Variants in SRRM2 observed in about 807,000 individuals in gnomAD.
SRRM2 encodes the protein serine/arginine repetitive matrix 2, also known as serine/arginine repetitive matrix protein 2.
SRRM2 carries 30 observed loss-of-function variants against 213.8 expected under a neutral mutation model. The ratio of observed to expected loss-of-function variants is 0.14; its 90% CI spans 0.10 to 0.19. The LOEUF is 0.19. Ranked by LOEUF, SRRM2 falls within the 10% of genes least tolerant of loss-of-function variation. SRRM2 has a pLI of 1.00. For synonymous variants in SRRM2, 2,025 were observed against 1,377.7 expected (o/e 1.47, Z -10.40); for missense variants, 4,904 against 3,647.0 (o/e 1.34, Z -8.88).
rs1317227596 is a variant in SRRM2 at position 2,761,838 on chromosome 16, C to A, written c.1310C>A (p.Ser437Tyr). The change falls in exon 11 of 15, where the codon TCC becomes TAC. Residue 437 changes from serine (S) to tyrosine (Y), a missense_variant. By Grantham distance (144) the Ser-to-Tyr change is moderately radical. Transcript: ENST00000301740. ...AAAGTTTCTCGGCATGCCAGCTCTT[C>A]CCCAGAAAGTCCTAAACCTGCTCCA... Reference protein sequence around the residue: ...PTKVSRHASSSPESPKPAPAP... With the variant: ...PTKVSRHASSYPESPKPAPAP... The A allele has an allele frequency of 1.2e-6, 2 of 1,613,442 alleles. No homozygotes were observed. The highest frequency in any genetic ancestry group is 1.7e-6 in the Non-Finnish European group (2 of 1,180,022).
At chr16:2,761,462 AAAG>A in intron 10 of SRRM2, 96 bp from the exon 11 acceptor site, 1 of 1,047,514 alleles carries the variant, frequency 9.5e-7, no homozygotes, top group African/African-American at 1.6e-5. Flanking sequence ...AGGGTGTGTA[AAAG>A]AAAAGTTATC....
rs781630234 is a variant in SRRM2, at chr16:2,764,963, G to A, written c.4435G>A (p.Glu1479Lys). The change falls in exon 11 of 15, where the codon GAA becomes AAA. Residue 1479 changes from glutamate (E) to lysine (K), a missense_variant. Glu to Lys is a moderately conservative substitution (Grantham distance 56). Transcript: ENST00000301740. ...IPRTPSRGRS[E>K]CDSSPEPKAL... Reference sequence around the variant, plus strand: ...TAGAACGCCATCTAGAGGGAGAAGCGAATGTGATTCTTCCCCAGAACCGAA... The same window carrying A: ...TAGAACGCCATCTAGAGGGAGAAGCAAATGTGATTCTTCCCCAGAACCGAA... The A allele has an allele frequency of 2.5e-6, 4 of 1,613,962 alleles. No homozygotes were observed. The highest frequency in any genetic ancestry group is 3.4e-6 in the Non-Finnish European group (4 of 1,180,030).
chr16:2,766,865 A>C lies in SRRM2; in HGVS notation c.6337A>C (p.Arg2113=). The C allele has an allele frequency of 6.2e-7, 1 of 1,614,200 alleles. No individual in the cohort carries two copies. The highest frequency in any genetic ancestry group is 8.5e-7 in the Non-Finnish European group (1 of 1,180,046). ...ACCTCCAGTAGCACTCAACAGTTCC[A>C]GAATGAGCTGCTTCAGTCGTCCTAG... is the stretch of plus-strand genomic sequence containing the variant. ...RTPPVALNSS[R]MSCFSRPSMS... The change falls in exon 11 of 15, where the codon AGA becomes CGA. Residue 2113 remains arginine, a synonymous_variant. Transcript: ENST00000301740. This position sits in a 1 kb window ranked among gnomAD's most constrained non-coding sequence, Gnocchi z 7.0.
chr16:2,759,371 A>G lies in SRRM2; in HGVS notation c.709A>G (p.Lys237Glu), dbSNP rs1419283694. 4 of 1,598,246 alleles carry G rather than the reference A, an allele frequency of 2.5e-6. No homozygotes were observed. The highest frequency in any genetic ancestry group is 3.4e-6 in the Non-Finnish European group (4 of 1,175,888). The change falls in exon 8 of 15, where the codon AAA (lysine) becomes GAA (glutamate). Residue 237 changes from lysine to glutamate, a missense_variant. Physicochemically the swap from Lys to Glu is moderately conservative, Grantham distance 56 (BLOSUM62 1). Coordinates refer to ENST00000301740, the MANE Select transcript of SRRM2 (RefSeq NM_016333.4). Reference sequence around the variant, plus strand: ...TCCCAGGTCTCCCACTCCAAAGAGCAAACGTAAATCTAAGGACAAAAAGCG... The same window carrying G: ...TCCCAGGTCTCCCACTCCAAAGAGCGAACGTAAATCTAAGGACAAAAAGCG... ...RKHRSPTPKS[K>E]RKSKDKKRKR...
Position 2,756,455 on chromosome 16 carries a change from G to C in SRRM2, c.91G>C (p.Gly31Arg). 1 of 1,613,438 alleles carries C rather than the reference G, an allele frequency of 6.2e-7. No individual in the cohort carries two copies. Among genetic ancestry groups the C allele is most frequent in the Non-Finnish European group, 8.5e-7 (1 of 1,179,740 alleles). Reference protein sequence around the residue: ...RNLSLVRGRRGERPDYKGEEE... With the variant: ...RNLSLVRGRRRERPDYKGEEE... ...CCTGTCCCTGGTGCGGGGCCGCCGG[G>C]GTGAGCGGCCTGACTACAAGGGAGA... Residue 31 changes from glycine (G) to arginine (R), a missense_variant, in exon 2 of 15, where the codon GGT becomes CGT. Transcript: ENST00000301740.
chr16:2,763,031 C>A lies in SRRM2; in HGVS notation c.2503C>A (p.His835Asn). 6.2e-7 allele frequency: 1 copy of A among 1,614,170 alleles called. No homozygotes were observed. The highest frequency in any genetic ancestry group is 1.1e-5 in the South Asian group (1 of 91,084). ...ATCTAAGACACCATCAAGACAAAGTCATTCCAGTTCATCTCCTCATCCTAA... is the reference window on the plus strand; with the variant it reads ...ATCTAAGACACCATCAAGACAAAGTAATTCCAGTTCATCTCCTCATCCTAA... The part of the protein sequence containing the change: ...QKSKTPSRQS[H>N]SSSSPHPKVK... Residue 835 changes from histidine to asparagine, a missense_variant, in exon 11 of 15, where the codon CAT (histidine) becomes AAT (asparagine). His to Asn is a moderately conservative substitution (Grantham distance 68). Coordinates refer to ENST00000301740, the MANE Select transcript of SRRM2 (RefSeq NM_016333.4).
Position 2,761,607 on chromosome 16 carries a change from G to T in SRRM2, c.1079G>T (p.Gly360Val). ...CCCTCTCCGGAAAGGAGCAGCACAG[G>T]CCCAGAACCACCTGCTCCCACTCCG... Reference protein sequence around the residue: ...PSPSPERSSTGPEPPAPTPLL... With the variant: ...PSPSPERSSTVPEPPAPTPLL... The change falls in exon 11 of 15, where the codon GGC (glycine) becomes GTC (valine). Residue 360 changes from glycine to valine, a missense_variant. Transcript: ENST00000301740. 6.5e-7 allele frequency: 1 copy of T among 1,545,408 alleles called. No individual in the cohort carries two copies. Among genetic ancestry groups the T allele is most frequent in the South Asian group, 1.3e-5 (1 of 78,266 alleles).
In SRRM2 at chr16:2,766,945, T is replaced by C; in HGVS notation, c.6417T>C (p.Leu2139=). Residue 2139 remains leucine (L), a synonymous_variant, in exon 11 of 15, where the codon CTT becomes CTC. Coordinates refer to ENST00000301740, the MANE Select transcript of SRRM2 (RefSeq NM_016333.4). This position sits in a 1 kb window ranked among gnomAD's most constrained non-coding sequence, Gnocchi z 7.0. Reference sequence around the variant, plus strand: ...GATCACCTGGAATGCTTGAACCCCTTGGCAGCTCTAGAACACCCATGTCTG... The same window carrying C: ...GATCACCTGGAATGCTTGAACCCCTCGGCAGCTCTAGAACACCCATGTCTG... ...RCRSPGMLEP[L]GSSRTPMSVL... The C allele has an allele frequency of 6.2e-7, 1 of 1,614,092 alleles. No homozygotes were observed. Among genetic ancestry groups the C allele is most frequent in the Non-Finnish European group, 8.5e-7 (1 of 1,180,012 alleles).
chr16:2,766,835 C>T lies in SRRM2; in HGVS notation c.6307C>T (p.Arg2103Trp). The change falls in exon 11 of 15, where the codon CGG becomes TGG. Residue 2103 changes from arginine (R) to tryptophan (W), a missense_variant. By Grantham distance (101) the Arg-to-Trp change is moderately radical. Coordinates refer to ENST00000301740, the MANE Select transcript of SRRM2 (RefSeq NM_016333.4). The surrounding 1 kb of genome is among the most constrained non-coding windows in gnomAD (Gnocchi z 7.0). Reference sequence around the variant, plus strand: ...AGCAACAAGAAATCATTCTGGTTCACGGACACCTCCAGTAGCACTCAACAG... The same window carrying T: ...AGCAACAAGAAATCATTCTGGTTCATGGACACCTCCAGTAGCACTCAACAG... ...PPATRNHSGSRTPPVALNSSR... is the reference protein window; with the variant it reads ...PPATRNHSGSWTPPVALNSSR... The T allele has an allele frequency of 6.2e-7, 1 of 1,614,190 alleles. No individual in the cohort carries two copies. Among genetic ancestry groups the T allele is most frequent in the Non-Finnish European group, 8.5e-7 (1 of 1,180,036 alleles).
rs759589031 is a variant in SRRM2 at position 2,768,127 on chromosome 16, C to G, written c.7599C>G (p.Ser2533=). 10 of 1,613,734 alleles carry G rather than the reference C, an allele frequency of 6.2e-6. No individual in the cohort carries two copies. Among genetic ancestry groups the G allele is most frequent in the Admixed American group, 1.7e-5 (1 of 59,978 alleles). The change falls in exon 11 of 15, where the codon TCC becomes TCG. Residue 2533 remains serine, a synonymous_variant. Coordinates refer to ENST00000301740, the MANE Select transcript of SRRM2 (RefSeq NM_016333.4). The part of the protein sequence containing the change: ...ALQPAKERRS[S]SSSSSSSSSS... ...AGCCAGCAAAGGAGCGGCGGAGTTC[C>G]TCCTCGTCGTCGTCGTCCTCTAGCT...
chr16:2,765,824 AAGCCTCGTGGACTCCAGAGGTCCC>A lies in SRRM2; in HGVS notation c.5297_5320del (p.Lys1766_Arg1774delinsSer). The A allele has an allele frequency of 6.2e-7, 1 of 1,613,964 alleles. No homozygotes were observed. Among genetic ancestry groups the A allele is most frequent in the Non-Finnish European group, 8.5e-7 (1 of 1,179,990 alleles). The stretch of plus-strand genomic sequence containing the variant: ...AAGGAGAGGCCGCTCTCCTTCGCCA[AAGCCTCGTGGACTCCAGAGGTCCC>A]GTTCCCGCTCAAGGAGAGAGAAAAC... On this transcript the variant is annotated inframe_deletion, in exon 11 of 15. Coordinates refer to ENST00000301740, the MANE Select transcript of SRRM2 (RefSeq NM_016333.4).
intron 5 of SRRM2, 143 bp from the exon 6 acceptor site, chr16:2,758,842 A>G: frequency 1.2e-6 from 1 of 866,152 alleles, no homozygotes; most frequent in East Asian, 2.7e-5. Context: ...AGAAAGAAGA[A>G]ATAAGTCCTG....
At chr16:2,753,655 A>C (rs949407189) in intron 1 of SRRM2, 1 of 152,216 alleles carries the variant, frequency 6.6e-6, no homozygotes, top group Non-Finnish European at 1.5e-5. Context: ...GGTTGGTTTC[A>C]GGCGTTCTTT....
chr16:2,753,615 G>A (rs2068025352), intron 1 of SRRM2: 1 of 152,198 alleles, frequency 6.6e-6, no homozygotes. Context: ...TCGTTGGGAA[G>A]AAAACGCCAG....
In SRRM2 at chr16:2,765,855, G is replaced by A. The variant is rs543768419; in HGVS notation, c.5327G>A (p.Arg1776His). 1.9e-6 allele frequency: 3 copies of A among 1,614,066 alleles called. No homozygotes were observed. Among genetic ancestry groups the A allele is most frequent in the East Asian group, 2.2e-5 (1 of 44,884 alleles). The part of the protein sequence containing the change: ...KPRGLQRSRS[R>H]SRREKTRTTR... ...CGTGGACTCCAGAGGTCCCGTTCCC[G>A]CTCAAGGAGAGAGAAAACAAGAACA... Residue 1776 changes from arginine (R) to histidine (H), a missense_variant, in exon 11 of 15, where the codon CGC becomes CAC. Transcript: ENST00000301740.
At chr16:2,755,202 C>T (rs1053729985) in intron 1 of SRRM2, among the ~76,000 whole-genome samples, 8 of 152,128 alleles carry the variant, frequency 5.3e-5, no homozygotes, top group Non-Finnish European at 8.8e-5. Context: ...GGAATCTAAC[C>T]AGGAAAGCTG....
chr16:2,762,025 C>T lies in SRRM2; in HGVS notation c.1497C>T (p.Thr499=). The T allele has an allele frequency of 6.2e-7, 1 of 1,614,198 alleles. No homozygotes were observed. The highest frequency in any genetic ancestry group is 1.1e-5 in the South Asian group (1 of 91,088). The change falls in exon 11 of 15, where the codon ACC becomes ACT. Residue 499 remains threonine, a synonymous_variant. Coordinates refer to ENST00000301740, the MANE Select transcript of SRRM2 (RefSeq NM_016333.4). ...AGAGAGGGCGATCTCGGTCTCGAAC[C>T]CCTACCAAGAGAGGTCATTCTCGAT... The part of the protein sequence containing the change: ...TAKRGRSRSR[T]PTKRGHSRSR...
rs372487257 is a variant in SRRM2, at chr16:2,771,012, CT to C, written c.*155del. ...GGATGGAGGGCTCCCTTTCCCTCCC[CT>C]TTTTTTTTTCTTTGTTCCTGTGAAA... On this transcript the variant is annotated 3_prime_UTR_variant, in exon 15 of 15. Coordinates refer to ENST00000301740, the MANE Select transcript of SRRM2 (RefSeq NM_016333.4). The C allele has an allele frequency of 2.3e-3, 1,504 of 647,446 alleles. No homozygotes were observed. The highest frequency in any genetic ancestry group is 4.9e-3 in the Admixed American group (117 of 23,640). 40.1% of individuals were successfully genotyped at this position (647,446 alleles called of 1,614,324 possible). A position where few individuals can be genotyped will look rare whatever the true frequency, so the allele number is the denominator to read the frequency against.
Position 2,763,290 on chromosome 16 carries a change from C to T in SRRM2, c.2762C>T (p.Ala921Val), listed in dbSNP as rs375705632. ...RSSSPQPKVKAIISPRQRSHS... is the reference protein window; with the variant it reads ...RSSSPQPKVKVIISPRQRSHS... ...TCATCTCCACAACCCAAAGTGAAGG[C>T]AATAATATCACCAAGACAAAGAAGC... is the stretch of plus-strand genomic sequence containing the variant. Residue 921 changes from alanine to valine, a missense_variant, in exon 11 of 15, where the codon GCA becomes GTA. Ala to Val is a moderately conservative substitution (Grantham distance 64, BLOSUM62 0). Coordinates refer to ENST00000301740, the MANE Select transcript of SRRM2 (RefSeq NM_016333.4). The T allele has an allele frequency of 2.4e-5, 38 of 1,614,028 alleles. No homozygotes were observed. The highest frequency in any genetic ancestry group is 3.1e-5 in the Non-Finnish European group (36 of 1,180,022).
Sources: gnomAD v4.1 joint callset for allele counts (sites outside exome capture counted in the v4.1 genomes callset) on GRCh38, gnomAD v4.1.1 for gene constraint, Gnocchi (gnomAD v3.1) non-coding constraint, MANE v1.5 for transcripts, NCBI Gene and HGNC (gene_info 2026-07-23, HGNC 2026-07-21) for gene names.